Variants in FUT8 observed in about 807,000 individuals in gnomAD.
FUT8 encodes the protein fucosyltransferase 8.
FUT8 carries 29 observed loss-of-function variants against 71.3 expected under a neutral mutation model. The ratio of observed to expected loss-of-function variants is 0.41; its 90% CI spans 0.30 to 0.55. The LOEUF (loss-of-function observed/expected upper bound fraction) is 0.55, where lower values mean the gene tolerates loss of function less well. Ranked by LOEUF, FUT8 falls within the 20% of genes least tolerant of loss-of-function variation. The pLI is 0.34. For synonymous variants in FUT8, 254 were observed against 239.3 expected (o/e 1.06, Z -0.57); for missense variants, 544 against 702.1 (o/e 0.77, Z 2.55).
intron 2 of FUT8, among the ~76,000 whole-genome samples, chr14:65,538,029 T>A (rs1884442862): frequency 6.6e-6 from 1 of 152,174 alleles, no homozygotes; most frequent in African/African-American, 2.4e-5. Flanking sequence ...GGTGCTGGCC[T>A]CCCTGCAGGC....
chr14:65,542,208 T>C (rs1267557628), intron 2 of FUT8, among the ~76,000 whole-genome samples: 3 of 152,238 alleles, frequency 2.0e-5, no homozygotes, highest in Non-Finnish European at 4.4e-5. Context: ...ATAGGAATTA[T>C]GACGGTCATT....
At chr14:65,380,482 A>C in the FUT8 span, among the ~76,000 whole-genome samples, 1,882 of 152,342 alleles carry the variant, frequency 0.012, 17 homozygotes, top group Middle Eastern at 0.024. Context: ...AGTATTTTAG[A>C]GGCATGGTTC....
At chr14:65,567,997 C>T (rs1256247430) in intron 3 of FUT8, among the ~76,000 whole-genome samples, 1 of 151,658 alleles carries the variant, frequency 6.6e-6, no homozygotes, top group Non-Finnish European at 1.5e-5. Flanking sequence ...ATAATTCTAC[C>T]AGTGAAGTTA....
intron 7 of FUT8, among the ~76,000 whole-genome samples, chr14:65,700,379 C>CTTTT (rs1250930619): frequency 4.0e-5 from 3 of 74,952 alleles, no homozygotes; most frequent in African/African-American, 4.9e-5. Flanking sequence ...TTCTTTCTTT[C>CTTTT]TGTTTTTTTT....
At position 65,565,255 on chromosome 14, in the gene FUT8, G is replaced by A. The variant is rs138709504; in HGVS notation, c.203+3489G>A. ...GGAGGAGCATTAATTTATTCATGAG[G>A]GATCTAGCTCCATAACCCAAATACC... On this transcript the variant is annotated intron_variant, in intron 3 of 10. Coordinates refer to ENST00000673929, the MANE Select transcript of FUT8 (RefSeq NM_001371533.1). 1.4e-4 allele frequency among the ~76,000 whole-genome samples: 21 copies of A among 151,970 alleles called. No individual in the cohort carries two copies. In the East Asian group the frequency reaches 3.9e-3, roughly 28 times the overall value.
chr14:65,544,795 A>T (rs1884891014), intron 2 of FUT8, among the ~76,000 whole-genome samples: 1 of 152,184 alleles, frequency 6.6e-6, no homozygotes, highest in Non-Finnish European at 1.5e-5. Context: ...TTTTAAATTC[A>T]TATGTATATA....
intron 1 of FUT8, among the ~76,000 whole-genome samples, chr14:65,441,217 A>G (rs564824683): frequency 5.3e-5 from 8 of 152,296 alleles, no homozygotes; most frequent in Admixed American, 3.9e-4. Flanking sequence ...TACTTGATAT[A>G]TGGAGACCTA....
intron 8 of FUT8, among the ~76,000 whole-genome samples, chr14:65,722,274 C>T (rs1298329816): frequency 1.3e-5 from 2 of 151,890 alleles, no homozygotes; most frequent in African/African-American, 2.4e-5. Context: ...TCTTTCTCCT[C>T]TTATCACAGC....
intron 1 of FUT8, among the ~76,000 whole-genome samples, chr14:65,420,734 A>G (rs756073842): frequency 2.0e-5 from 3 of 152,072 alleles, no homozygotes; most frequent in East Asian, 1.9e-4. Flanking sequence ...ACAGACCCCC[A>G]TCAAGATGAA....
intron 1 of FUT8, among the ~76,000 whole-genome samples, chr14:65,446,475 A>T (rs1187497196): frequency 6.6e-6 from 1 of 152,202 alleles, no homozygotes; most frequent in African/African-American, 2.4e-5. Context: ...AGGTTGCAAA[A>T]TAGTGATAGT....
chr14:65,443,409 CA>C (rs71126747), intron 1 of FUT8, among the ~76,000 whole-genome samples: 43 of 136,028 alleles, frequency 3.2e-4, no homozygotes, highest in East Asian at 4.3e-4. Flanking sequence ...GACTCCATCT[CA>C]AAAAAAAAAA....
rs940067151 is a variant in FUT8, at chr14:65,652,325, G to A, written c.598-16918G>A. Among the ~76,000 whole-genome samples the A allele has an allele frequency of 1.3e-5, 2 of 152,202 alleles. No individual in the cohort carries two copies. Among genetic ancestry groups the A allele is most frequent in the Non-Finnish European group, 2.9e-5 (2 of 68,034 alleles). On this transcript the variant is annotated intron_variant, in intron 6 of 10. Transcript: ENST00000673929. This position sits in a 1 kb window ranked among gnomAD's most constrained non-coding sequence, Gnocchi z 4.0. ...TAGGATGGCTGTGCGATTTGCTCCTGGTTGATTCAATATAAGAGGAAGTTG... is the reference window on the plus strand; with the variant it reads ...TAGGATGGCTGTGCGATTTGCTCCTAGTTGATTCAATATAAGAGGAAGTTG...
At chr14:65,383,449 A>G in the FUT8 span, among the ~76,000 whole-genome samples, 862 of 151,390 alleles carry the variant, frequency 5.7e-3, 1 homozygote, top group Middle Eastern at 0.01. Flanking sequence ...TAATTTTTAT[A>G]TTTTTAGTAG....
chr14:65,499,611 C>T (rs988457755), intron 2 of FUT8, among the ~76,000 whole-genome samples: 5 of 151,732 alleles, frequency 3.3e-5, no homozygotes, highest in African/African-American at 1.2e-4. Flanking sequence ...CCTAGGAGTT[C>T]GAGATAATTC....
At chr14:65,474,906 C>T (rs73284130) in intron 2 of FUT8, among the ~76,000 whole-genome samples, 10,769 of 152,174 alleles carry the variant, frequency 0.071, 697 homozygotes, top group South Asian at 0.2. Context: ...CCAGGCTGGT[C>T]TGGAACTTCT....
chr14:65,606,604 C>T (rs1888604744), intron 3 of FUT8, among the ~76,000 whole-genome samples: 1 of 151,660 alleles, frequency 6.6e-6, no homozygotes, highest in Admixed American at 6.6e-5. Context: ...AGAATGATAC[C>T]TGTGTCATAT....
At chr14:65,590,917 A>G (rs899329466) in intron 3 of FUT8, among the ~76,000 whole-genome samples, 12 of 152,140 alleles carry the variant, frequency 7.9e-5, no homozygotes, top group African/African-American at 2.9e-4. Flanking sequence ...GACATTTGTC[A>G]TTTCATTGTT....
At chr14:65,601,275 G>C (rs1888275296) in intron 3 of FUT8, among the ~76,000 whole-genome samples, 1 of 152,116 alleles carries the variant, frequency 6.6e-6, no homozygotes, top group Admixed American at 6.6e-5. Flanking sequence ...AGTGGAACTG[G>C]CTTCTCCATG....
intron 3 of FUT8, among the ~76,000 whole-genome samples, chr14:65,609,679 CTTTTT>C (rs1414876696): frequency 6.6e-6 from 1 of 151,816 alleles, no homozygotes; most frequent in East Asian, 1.9e-4. Context: ...TCTTTAAAAA[CTTTTT>C]TTAAATTTTT....
Sources: gnomAD v4.1 joint callset for allele counts (sites outside exome capture counted in the v4.1 genomes callset) on GRCh38, gnomAD v4.1.1 for gene constraint, Gnocchi (gnomAD v3.1) non-coding constraint, MANE v1.5 for transcripts, NCBI Gene and HGNC (gene_info 2026-07-23, HGNC 2026-07-21) for gene names.